The following DCC variants were observed in gnomAD, a reference collection of about 807,000 sequenced individuals.
DCC encodes DCC netrin 1 receptor.
In DCC, 58 loss-of-function variants were observed where a neutral mutation model predicts 172.5. The ratio of observed to expected loss-of-function variants is 0.34; its 90% CI spans 0.27 to 0.42. The LOEUF is 0.42. Ranked by LOEUF, DCC falls within the 10% of genes least tolerant of loss-of-function variation. DCC has a pLI of 1.00. For missense variants in DCC, 1,740 were observed against 1,791.0 expected (o/e 0.97, Z 0.51); for synonymous variants, 709 against 644.5 (o/e 1.10, Z -1.52).
chr18:53,479,053 A>T (rs2045801339), intron 25 of DCC, among the ~76,000 whole-genome samples: 1 of 152,196 alleles, frequency 6.6e-6, no homozygotes, highest in Non-Finnish European at 1.5e-5. Context: ...ACCAACCAAG[A>T]ATTCTTTCCT....
intron 14 of DCC, among the ~76,000 whole-genome samples, chr18:53,330,791 T>C (rs1412036353): frequency 6.6e-6 from 1 of 152,214 alleles, no homozygotes; most frequent in African/African-American, 2.4e-5. Context: ...ACTCACTAGA[T>C]GTTTTACTTC....
chr18:52,533,365 G>T (rs79531983), intron 1 of DCC, among the ~76,000 whole-genome samples: 1 of 152,056 alleles, frequency 6.6e-6, no homozygotes, highest in Non-Finnish European at 1.5e-5. Context: ...ACATCATAAA[G>T]ATCCTTGTGT....
At chr18:52,622,215 A>G (rs967793464) in intron 1 of DCC, among the ~76,000 whole-genome samples, 3 of 152,164 alleles carry the variant, frequency 2.0e-5, no homozygotes, top group African/African-American at 7.2e-5. Flanking sequence ...CTAGGGACCA[A>G]AAGTTCTCTA....
intron 1 of DCC, among the ~76,000 whole-genome samples, chr18:52,373,888 ATTT>A (rs1296846491): frequency 3.1e-5 from 4 of 127,334 alleles, no homozygotes; most frequent in Non-Finnish European, 1.6e-5. Flanking sequence ...TGGTTGCATC[ATTT>A]TTTTTTTTTT....
At chr18:53,168,506 G>A (rs2054960274) in intron 8 of DCC, among the ~76,000 whole-genome samples, 1 of 137,746 alleles carries the variant, frequency 7.3e-6, no homozygotes, top group Admixed American at 8.5e-5. Context: ...ACAACTGGGA[G>A]TTGAACAATG....
intron 1 of DCC, among the ~76,000 whole-genome samples, chr18:52,504,998 A>G (rs2031177546): frequency 1.3e-5 from 2 of 152,238 alleles, no homozygotes; most frequent in South Asian, 4.1e-4. Context: ...AAAGCTCAGA[A>G]TAAAGCAGTC....
At chr18:52,518,729 A>G (rs943519273) in intron 1 of DCC, among the ~76,000 whole-genome samples, 2 of 152,238 alleles carry the variant, frequency 1.3e-5, no homozygotes, top group African/African-American at 4.8e-5. Context: ...CAGTGATGGT[A>G]ATTATTAAAA....
intron 5 of DCC, among the ~76,000 whole-genome samples, chr18:53,010,395 C>A (rs929349129): frequency 6.6e-6 from 1 of 151,666 alleles, no homozygotes; most frequent in East Asian, 1.9e-4. Flanking sequence ...GTTTGAAACA[C>A]ACCCAATATT....
intron 1 of DCC, among the ~76,000 whole-genome samples, chr18:52,740,399 A>G (rs2036801460): frequency 6.6e-6 from 1 of 152,228 alleles, no homozygotes; most frequent in Admixed American, 6.5e-5. Context: ...TTGAGACAAG[A>G]CACAGTAAAT....
At chr18:53,243,829 G>A (rs2144643343) in intron 12 of DCC, among the ~76,000 whole-genome samples, 1 of 152,206 alleles carries the variant, frequency 6.6e-6, no homozygotes, top group East Asian at 1.9e-4. Context: ...TGAAGAAATG[G>A]AAACATAAAA....
At chr18:53,258,569 C>G (rs2056553149) in intron 12 of DCC, among the ~76,000 whole-genome samples, 1 of 152,134 alleles carries the variant, frequency 6.6e-6, no homozygotes, top group Non-Finnish European at 1.5e-5. Context: ...GCACTGTGGT[C>G]TGAGAGACAG....
chr18:53,326,105 A>G (rs2057465589), intron 14 of DCC, among the ~76,000 whole-genome samples: 1 of 152,326 alleles, frequency 6.6e-6, no homozygotes, highest in Non-Finnish European at 1.5e-5. Context: ...CACAAATATC[A>G]ACTTTTTTCT....
At chr18:53,205,083 A>G in intron 9 of DCC, 133 bp from the exon 10 acceptor site, 1 of 702,060 alleles carries the variant, frequency 1.4e-6, no homozygotes, top group Admixed American at 2.3e-5. Context: ...TTATATTCTT[A>G]TTCCATATTA....
intron 2 of DCC, among the ~76,000 whole-genome samples, chr18:52,758,160 G>A (rs1409322184): frequency 1.3e-5 from 2 of 152,144 alleles, no homozygotes; most frequent in African/African-American, 2.4e-5. Context: ...TGCTATCATA[G>A]CTATACATTC....
At chr18:52,501,104 G>T (rs938713805) in intron 1 of DCC, among the ~76,000 whole-genome samples, 5 of 152,140 alleles carry the variant, frequency 3.3e-5, no homozygotes, top group Non-Finnish European at 4.4e-5. Context: ...CTTAGTGAGA[G>T]CATCTTTATT....
intron 2 of DCC, among the ~76,000 whole-genome samples, chr18:52,890,925 T>A (rs1379382066): frequency 6.6e-6 from 1 of 152,084 alleles, no homozygotes; most frequent in Non-Finnish European, 1.5e-5. Context: ...AAATGTATGT[T>A]CTTGATCTTC....
intron 8 of DCC, among the ~76,000 whole-genome samples, chr18:53,161,006 A>C (rs2054830141): frequency 2.0e-5 from 3 of 152,156 alleles, no homozygotes; most frequent in Admixed American, 1.3e-4. Context: ...CTTCTGTGCC[A>C]TCAGTTTCTC....
chr18:53,265,812 C>T (rs1428431047), intron 12 of DCC, among the ~76,000 whole-genome samples: 1 of 152,188 alleles, frequency 6.6e-6, no homozygotes, highest in Non-Finnish European at 1.5e-5. Context: ...ACTTGGAACT[C>T]ATGATCTTTC....
chr18:52,694,104 G>A (rs1365439301), intron 1 of DCC, among the ~76,000 whole-genome samples: 3 of 152,032 alleles, frequency 2.0e-5, no homozygotes, highest in Admixed American at 1.3e-4. Context: ...AGTATGATAT[G>A]ATGAGGAGAA....
Sources: gnomAD v4.1 joint callset for allele counts (sites outside exome capture counted in the v4.1 genomes callset) on GRCh38, gnomAD v4.1.1 for gene constraint, MANE v1.5 for transcripts, NCBI Gene and HGNC (gene_info 2026-07-23, HGNC 2026-07-21) for gene names.